C20orf203: variants seen among roughly 807,000 people sequenced by gnomAD.
The protein encoded by C20orf203 is uncharacterized protein C20orf203.
Under a neutral mutation model 15.9 loss-of-function variants are expected in C20orf203, and 16 were observed. The ratio of observed to expected loss-of-function variants is 1.01; its 90% CI spans 0.68 to 1.53. C20orf203 has a LOEUF of 1.53. C20orf203 is among the 40% of genes most tolerant of loss of function. The probability of loss-of-function intolerance (pLI) is 0.00; values close to 1 mark genes in which losing one functional copy is unlikely to be tolerated. For missense variants in C20orf203, 263 were observed against 247.5 expected, an observed-to-expected ratio of 1.06 and a Z score of -0.42; for synonymous variants, 98 against 97.2, an observed-to-expected ratio of 1.01 and a Z score of -0.05.
chr20:32,662,952 G>GTTTTT (rs777684329), intron 1 of C20orf203, among the ~76,000 whole-genome samples: 9 of 131,910 alleles, frequency 6.8e-5, no homozygotes, highest in African/African-American at 1.1e-4. Flanking sequence ...TATAAATATA[G>GTTTTT]TTTTTTTTTT....
chr20:32,631,954 T>A lies in C20orf203; in HGVS notation c.*3616A>T, dbSNP rs1331669555. The A allele has an allele frequency of 6.6e-6, 1 of 152,246 alleles. No individual in the cohort carries two copies. The highest frequency in any genetic ancestry group is 1.5e-5 in the Non-Finnish European group (1 of 68,074). 9.4% of individuals were successfully genotyped at this position (152,246 alleles called of 1,614,324 possible). On this transcript the variant is annotated 3_prime_UTR_variant, in exon 6 of 6. Coordinates refer to ENST00000608990, the MANE Select transcript of C20orf203 (RefSeq NM_182584.4). ...CAGGTCCCTGCAATCTGGAGGTATG[T>A]GACACCGGGACATTTACCCTGTGCG...
At chr20:32,652,977 G>A (rs1982672670) in intron 1 of C20orf203, among the ~76,000 whole-genome samples, 1 of 152,172 alleles carries the variant, frequency 6.6e-6, no homozygotes, top group Non-Finnish European at 1.5e-5. Flanking sequence ...CAGAGGAGCG[G>A]GCTGGTCTAG....
At chr20:32,651,410 T>A (rs934750690) in intron 2 of C20orf203, among the ~76,000 whole-genome samples, 2 of 151,794 alleles carry the variant, frequency 1.3e-5, no homozygotes, top group African/African-American at 4.8e-5. Context: ...TTGAAGATTC[T>A]TACAGGGTGG....
intron 5 of C20orf203, among the ~76,000 whole-genome samples, chr20:32,636,118 A>G (rs967524889): frequency 6.6e-6 from 1 of 152,172 alleles, no homozygotes; most frequent in Non-Finnish European, 1.5e-5. Context: ...ACGGGTGTGC[A>G]TGCCCAGATA....
At chr20:32,666,155 T>TAAAAAAAAAA (rs147487671) in intron 1 of C20orf203, among the ~76,000 whole-genome samples, 2 of 102,750 alleles carry the variant, frequency 1.9e-5, no homozygotes, top group African/African-American at 3.7e-5. Flanking sequence ...ATAAATAAAG[T>TAAAAAAAAAA]AAAAAAAAAA....
At chr20:32,647,516 C>T (rs977262660) in intron 4 of C20orf203, among the ~76,000 whole-genome samples, 8 of 152,062 alleles carry the variant, frequency 5.3e-5, no homozygotes, top group African/African-American at 1.9e-4. Flanking sequence ...CCAGCCTGGG[C>T]AACATAGTAA....
intron 4 of C20orf203, among the ~76,000 whole-genome samples, chr20:32,644,516 G>A (rs931079868): frequency 4.6e-5 from 7 of 152,060 alleles, no homozygotes; most frequent in Non-Finnish European, 7.4e-5. Flanking sequence ...GAAGCCCTAT[G>A]GGTTGAGCCA....
At chr20:32,659,205 G>C (rs911726587) in intron 1 of C20orf203, among the ~76,000 whole-genome samples, 1 of 152,058 alleles carries the variant, frequency 6.6e-6, no homozygotes, top group Non-Finnish European at 1.5e-5. Flanking sequence ...AGGGCAGCTG[G>C]TGCAGCTGCT....
intron 1 of C20orf203, among the ~76,000 whole-genome samples, chr20:32,659,504 T>C (rs1411593827): frequency 6.6e-6 from 1 of 152,238 alleles, no homozygotes; most frequent in Non-Finnish European, 1.5e-5. Context: ...ACCATCTTCA[T>C]TGTACAGATG....
At chr20:32,644,105 C>T (rs541390556) in intron 4 of C20orf203, among the ~76,000 whole-genome samples, 80 of 152,288 alleles carry the variant, frequency 5.3e-4, no homozygotes, top group Non-Finnish European at 9.4e-4. Context: ...GACAGAATAC[C>T]CAGAAGGTTG....
chr20:32,647,928 A>C (rs1982482845), intron 4 of C20orf203, among the ~76,000 whole-genome samples: 1 of 152,110 alleles, frequency 6.6e-6, no homozygotes. Flanking sequence ...CAGGTCCCTC[A>C]TAGTATCTCC....
intron 1 of C20orf203, among the ~76,000 whole-genome samples, chr20:32,672,279 C>T (rs1358249653): frequency 6.6e-6 from 1 of 151,672 alleles, no homozygotes; most frequent in Admixed American, 6.6e-5. Context: ...ATGGAGGTTG[C>T]AGTGAGCCGA....
At chr20:32,659,876 T>C (rs1325647994) in intron 1 of C20orf203, among the ~76,000 whole-genome samples, 1 of 152,206 alleles carries the variant, frequency 6.6e-6, no homozygotes, top group East Asian at 1.9e-4. Flanking sequence ...TAATAGATAA[T>C]AGCAATAATT....
chr20:32,642,672 G>T (rs2145664168), intron 4 of C20orf203, among the ~76,000 whole-genome samples: 1 of 152,268 alleles, frequency 6.6e-6, no homozygotes, highest in South Asian at 2.1e-4. Context: ...CTTGTAAGGG[G>T]GGCAGCTGGT....
At position 32,640,577 on chromosome 20, in the gene C20orf203, G is replaced by T. The variant is rs1982252598; in HGVS notation, c.*1288C>A. 6.6e-6 allele frequency: 1 copy of T among 152,144 alleles called. No individual in the cohort carries two copies. Among genetic ancestry groups the T allele is most frequent in the Non-Finnish European group, 1.5e-5 (1 of 68,046 alleles). The allele number at this position is 152,144 out of a possible 1,614,324, so 9.4% of individuals were successfully genotyped here. On this transcript the variant is annotated 3_prime_UTR_variant, in exon 5 of 6. Coordinates refer to ENST00000608990, the MANE Select transcript of C20orf203 (RefSeq NM_182584.4). ...CCATGGTGGCGTACCTGTAATCCCA[G>T]CTACTCAGGAGGCTGAGATAGGAGA...
Position 32,643,575 on chromosome 20 carries a change from C to A in C20orf203, c.*1178-2888G>T, listed in dbSNP as rs180736268. ...GCTCTAGGAAAATAAAAAAGGGCAC[C>A]ATTGTCACATAGGCCTGGGTGCTAG... is the stretch of plus-strand genomic sequence containing the variant. On this transcript the variant is annotated intron_variant, in intron 4 of 5. Coordinates refer to ENST00000608990, the MANE Select transcript of C20orf203 (RefSeq NM_182584.4). Among the ~76,000 whole-genome samples the A allele has an allele frequency of 1.5e-3, 227 of 151,058 alleles. 2 individuals are homozygous for A. The highest frequency in any genetic ancestry group is 3.4e-4 in the Non-Finnish European group (23 of 67,886).
At chr20:32,665,756 G>A (rs1192855347) in intron 1 of C20orf203, among the ~76,000 whole-genome samples, 1 of 152,080 alleles carries the variant, frequency 6.6e-6, no homozygotes, top group Non-Finnish European at 1.5e-5. Context: ...ACGAGGTCAG[G>A]AGTTTGAGAC....
chr20:32,650,937 A>T, intron 3 of C20orf203, 56 bp from the exon 4 acceptor site: 1 of 1,443,472 alleles, frequency 6.9e-7, no homozygotes, highest in Non-Finnish European at 9.1e-7. Context: ...TGAGACTCGC[A>T]AGGGGCTTTA....
In C20orf203 at chr20:32,659,884, A is replaced by G. The variant is rs756513883; in HGVS notation, c.-263-7903T>C. Among the ~76,000 whole-genome samples, 3 of 152,356 alleles carry G rather than the reference A, an allele frequency of 2.0e-5. No individual in the cohort carries two copies. The East Asian group carries it at 5.8e-4, about 29-fold the overall frequency. ...TTAATAATAATAGATAATAGCAATA[A>G]TTATTATGACATATAATTATATCAA... On this transcript the variant is annotated intron_variant, in intron 1 of 5. Coordinates refer to ENST00000608990, the MANE Select transcript of C20orf203 (RefSeq NM_182584.4).
Sources: allele counts gnomAD v4.1 joint callset (sites outside exome capture counted in the v4.1 genomes callset), GRCh38; gene constraint gnomAD v4.1.1; transcripts MANE v1.5; gene names NCBI Gene and HGNC (gene_info 2026-07-23, HGNC 2026-07-21).